Variants in LRRC42 observed in about 807,000 individuals in gnomAD.
LRRC42 encodes the protein leucine rich repeat containing 42.
Under a neutral mutation model 44.3 loss-of-function variants are expected in LRRC42, and 43 were observed. The ratio of observed to expected loss-of-function variants is 0.97; its 90% CI spans 0.76 to 1.25. The LOEUF (loss-of-function observed/expected upper bound fraction) is 1.25. Among genes scored for constraint, LRRC42 ranks in the 50% most tolerant of loss-of-function variants. The pLI is 0.00. For missense variants in LRRC42, 540 were observed against 509.1 expected, an observed-to-expected ratio of 1.06 and a Z score of -0.58; for synonymous variants, 207 against 195.2, an observed-to-expected ratio of 1.06 and a Z score of -0.50.
At chr1:53,965,921 T>G (rs1329122418) in intron 7 of LRRC42, among the ~76,000 whole-genome samples, 1 of 152,250 alleles carries the variant, frequency 6.6e-6, no homozygotes, top group Non-Finnish European at 1.5e-5. Flanking sequence ...TGGCATATTT[T>G]AAGGCACGAG....
chr1:53,958,360 T>A, intron 4 of LRRC42, 80 bp downstream of exon 4: 1 of 1,535,722 alleles, frequency 6.5e-7, no homozygotes, highest in South Asian at 1.2e-5. Flanking sequence ...TCTTCAGGAA[T>A]GCTGATTACT....
chr1:53,962,295 G>C lies in LRRC42; in HGVS notation c.814-1G>C. 1 of 1,609,338 alleles carries C rather than the reference G, an allele frequency of 6.2e-7. No homozygotes were observed. Among genetic ancestry groups the C allele is most frequent in the Non-Finnish European group, 8.5e-7 (1 of 1,175,704 alleles). ...TTTCTGATCTGTCTCTGCCTCACTAGGACATCAAAACCGTCAAGCACAAGC... is the reference window on the plus strand; with the variant it reads ...TTTCTGATCTGTCTCTGCCTCACTACGACATCAAAACCGTCAAGCACAAGC... On this transcript the variant is annotated splice_acceptor_variant, in intron 6 of 8. Coordinates refer to ENST00000371370, the MANE Select transcript of LRRC42 (RefSeq NM_001256409.2). LOFTEE classifies it high-confidence loss of function.
At position 53,967,710 on chromosome 1, in the gene LRRC42, C is replaced by A. The variant is rs1489635371; in HGVS notation, c.1058C>A (p.Ala353Glu). ...RAEAPLKCPL[A>E]DTHMNSSEKL... ...GAAGCCCCACTGAAGTGTCCCCTGG[C>A]AGACACCCACATGAACTCTTCCGAG... Residue 353 changes from alanine to glutamate, a missense_variant, in exon 9 of 9, where the codon GCA becomes GAA. Coordinates refer to ENST00000371370, the MANE Select transcript of LRRC42 (RefSeq NM_001256409.2). 1 of 1,613,974 alleles carries A rather than the reference C, an allele frequency of 6.2e-7. No homozygotes were observed. Among genetic ancestry groups the A allele is most frequent in the Non-Finnish European group, 8.5e-7 (1 of 1,179,980 alleles).
intron 7 of LRRC42, among the ~76,000 whole-genome samples, chr1:53,964,686 A>T (rs537992768): frequency 2.0e-5 from 3 of 152,188 alleles, no homozygotes; most frequent in Admixed American, 6.5e-5. Context: ...TGTGTGCCAG[A>T]CACTGTGCTA....
intron 2 of LRRC42, among the ~76,000 whole-genome samples, chr1:53,950,570 C>G (rs1322695219): frequency 6.6e-6 from 1 of 152,224 alleles, no homozygotes; most frequent in Admixed American, 6.5e-5. Context: ...GCAGAAGAAG[C>G]TGAGTTGGTT....
At chr1:53,967,201 A>G (rs139631204) in intron 8 of LRRC42, among the ~76,000 whole-genome samples, 1 of 152,368 alleles carries the variant, frequency 6.6e-6, no homozygotes, top group East Asian at 1.9e-4. Context: ...GGCATACCAA[A>G]AAAATGTAAA....
In LRRC42 at chr1:53,960,371, C is replaced by T; in HGVS notation, c.621C>T (p.His207=). The T allele has an allele frequency of 1.2e-6, 2 of 1,612,822 alleles. No homozygotes were observed. The highest frequency in any genetic ancestry group is 1.7e-6 in the Non-Finnish European group (2 of 1,179,536). The change falls in exon 5 of 9, where the codon CAC becomes CAT. Residue 207 remains histidine, a synonymous_variant. Coordinates refer to ENST00000371370, the MANE Select transcript of LRRC42 (RefSeq NM_001256409.2). ...GTTTCCCTAGTGTAACTCAGCTCCA[C>T]CTGAAGGATAATTGTTTATCTGATG... ...NEALSSVTQL[H]LKDNCLSDAG...
At chr1:53,965,037 G>A (rs1385374385) in intron 7 of LRRC42, among the ~76,000 whole-genome samples, 10 of 136,272 alleles carry the variant, frequency 7.3e-5, no homozygotes, top group South Asian at 2.3e-4. Flanking sequence ...ACAGAGTCTC[G>A]CTCTGTCGCC....
intron 2 of LRRC42, among the ~76,000 whole-genome samples, chr1:53,949,606 C>T (rs756661990): frequency 9.2e-5 from 14 of 152,182 alleles, no homozygotes; most frequent in Non-Finnish European, 1.6e-4. Context: ...GGTCCAGATG[C>T]TCACCCCTAC....
intron 7 of LRRC42, among the ~76,000 whole-genome samples, chr1:53,964,519 C>T (rs1037055344): frequency 6.6e-6 from 1 of 152,174 alleles, no homozygotes; most frequent in African/African-American, 2.4e-5. Context: ...TATTGACATT[C>T]TTATTTCTGT....
intron 4 of LRRC42, among the ~76,000 whole-genome samples, chr1:53,958,941 A>G (rs1202708634): frequency 2.0e-5 from 3 of 152,098 alleles, no homozygotes; most frequent in Admixed American, 6.6e-5. Context: ...GCTGGAGTGC[A>G]GTGGCGTGAT....
At chr1:53,967,265 A>C (rs929368252) in intron 8 of LRRC42, among the ~76,000 whole-genome samples, 9 of 152,218 alleles carry the variant, frequency 5.9e-5, no homozygotes, top group Non-Finnish European at 1.3e-4. Context: ...GATTTCGAAT[A>C]ATGAAGGCTG....
rs765944236 is a variant in LRRC42, at chr1:53,958,211, A to G, written c.536A>G (p.Asp179Gly). The change falls in exon 4 of 9, where the codon GAT (aspartate) becomes GGT (glycine). Residue 179 changes from aspartate (D) to glycine (G), a missense_variant. Coordinates refer to ENST00000371370, the MANE Select transcript of LRRC42 (RefSeq NM_001256409.2). ...TCTTTCCGGGAGCTGACCTGCCTGGATCTTTCCTGTTGCAAGCTTGGAGAT... is the reference window on the plus strand; with the variant it reads ...TCTTTCCGGGAGCTGACCTGCCTGGGTCTTTCCTGTTGCAAGCTTGGAGAT... The part of the protein sequence containing the change: ...IKSFRELTCL[D>G]LSCCKLGDEH... 1.2e-6 allele frequency: 2 copies of G among 1,613,900 alleles called. No homozygotes were observed. Among genetic ancestry groups the G allele is most frequent in the East Asian group, 2.2e-5 (1 of 44,850 alleles).
intron 4 of LRRC42, among the ~76,000 whole-genome samples, chr1:53,960,064 G>A (rs1293368598): frequency 1.3e-5 from 2 of 152,090 alleles, no homozygotes; most frequent in South Asian, 2.1e-4. Context: ...GGGACCACAG[G>A]CACACAGCAC....
At chr1:53,952,518 A>C in intron 3 of LRRC42, 46 bp downstream of exon 3, 1 of 1,504,722 alleles carries the variant, frequency 6.6e-7, no homozygotes, top group South Asian at 1.3e-5. Flanking sequence ...GGGTGTGTTA[A>C]TTCTGTCAAG....
In LRRC42 at chr1:53,960,297, A is replaced by C. The variant is rs755802831; in HGVS notation, c.606-59A>C. ...ATGAAAATGTTGAAAGCATGTTTTTATACCTAGATTGTCTCAAACTCTCTT... is the reference window on the plus strand; with the variant it reads ...ATGAAAATGTTGAAAGCATGTTTTTCTACCTAGATTGTCTCAAACTCTCTT... On this transcript the variant is annotated intron_variant, in intron 4 of 8. Coordinates refer to ENST00000371370, the MANE Select transcript of LRRC42 (RefSeq NM_001256409.2). The C allele has an allele frequency of 3.5e-6, 4 of 1,147,592 alleles. No individual in the cohort carries two copies. In the East Asian group the frequency reaches 9.5e-5, roughly 27 times the overall value. The allele number at this position is 1,147,592 out of a possible 1,614,324, so 71.1% of individuals were successfully genotyped here. A position where few individuals can be genotyped will look rare whatever the true frequency, so the allele number is the denominator to read the frequency against.
intron 4 of LRRC42, 136 bp from the exon 5 acceptor site, chr1:53,960,220 A>C: frequency 1.6e-6 from 1 of 618,486 alleles, no homozygotes; most frequent in Non-Finnish European, 2.8e-6. Context: ...TAACTTTGTT[A>C]AATGCATTGG....
In LRRC42 at chr1:53,958,246, C is replaced by A. The variant is rs758255852; in HGVS notation, c.571C>A (p.Leu191Ile). The A allele has an allele frequency of 2.5e-6, 4 of 1,613,752 alleles. No homozygotes were observed. In the African/African-American group the frequency reaches 5.3e-5, roughly 22 times the overall value. The change falls in exon 4 of 9, where the codon CTT becomes ATT. Residue 191 changes from leucine to isoleucine, a missense_variant. Transcript: ENST00000371370. ...SCCKLGDEHE[L>I]LEHLTNEALS... ...TTGCAAGCTTGGAGATGAGCATGAA[C>A]TTCTAGAACATCTCACCAATGAAGC...
At chr1:53,964,784 A>G (rs1655083663) in intron 7 of LRRC42, among the ~76,000 whole-genome samples, 1 of 152,160 alleles carries the variant, frequency 6.6e-6, no homozygotes, top group Admixed American at 6.5e-5. Context: ...GAAGAAATTG[A>G]GACTAAGAAA....
Sources: gnomAD v4.1 joint callset for allele counts (sites outside exome capture counted in the v4.1 genomes callset) on GRCh38, gnomAD v4.1.1 for gene constraint, MANE v1.5 for transcripts, NCBI Gene and HGNC (gene_info 2026-07-23, HGNC 2026-07-21) for gene names.